Variants in TMEM204 observed in about 807,000 individuals in gnomAD.
TMEM204 encodes transmembrane protein 204, also known as claudin-like protein 24.
In TMEM204, 15 loss-of-function variants were observed where a neutral mutation model predicts 19.4. The observed-to-expected ratio is 0.77, with a 90% CI of 0.52 to 1.19. The LOEUF is 1.19. Ranked by LOEUF, TMEM204 falls within the 50% of genes most tolerant of loss-of-function variation. The pLI is 0.00. For synonymous variants in TMEM204, 161 were observed against 146.0 expected, an observed-to-expected ratio of 1.10 and a Z score of -0.74; for missense variants, 287 against 321.2, an observed-to-expected ratio of 0.89 and a Z score of 0.81.
chr16:1,539,774 G>A (rs544780897), intron 1 of TMEM204, among the ~76,000 whole-genome samples: 14 of 152,304 alleles, frequency 9.2e-5, no homozygotes, highest in South Asian at 4.1e-4. Flanking sequence ...GCCTGTCTGC[G>A]GGCAGGCAGC....
At chr16:1,552,233 C>T (rs1443752094) in intron 2 of TMEM204, among the ~76,000 whole-genome samples, 1 of 152,196 alleles carries the variant, frequency 6.6e-6, no homozygotes, top group Non-Finnish European at 1.5e-5. Context: ...AGGCCAGTTA[C>T]TGCCGGTATA....
At chr16:1,554,595 C>T (rs915460316) in intron 2 of TMEM204, among the ~76,000 whole-genome samples, 187 bp from the exon 3 acceptor site, 10 of 152,094 alleles carry the variant, frequency 6.6e-5, no homozygotes, top group African/African-American at 1.7e-4. Flanking sequence ...GCAGCCGCCC[C>T]GTAAAGCAGG....
At chr16:1,533,444 G>A (rs191045731), upstream of TMEM204, 1 of 152,466 alleles carries the variant, frequency 6.6e-6, no homozygotes, top group East Asian at 1.9e-4. The surrounding 1 kb of genome is among the most constrained non-coding windows in gnomAD (Gnocchi z 4.7). Flanking sequence ...AGCAACAGGC[G>A]AGACGAGGGA....
rs1481623482 is a variant in TMEM204 at position 1,544,518 on chromosome 16, C to T, written c.436+2442C>T. On this transcript the variant is annotated intron_variant, in intron 2 of 2. Coordinates refer to ENST00000566264, the MANE Select transcript of TMEM204 (RefSeq NM_024600.6). Reference sequence around the variant, plus strand: ...CTAATTTTTGTGTTTTTAGTAGAGACGGGGTTTCACCATGTTGGTCCAGCT... The same window carrying T: ...CTAATTTTTGTGTTTTTAGTAGAGATGGGGTTTCACCATGTTGGTCCAGCT... 3.3e-5 allele frequency among the ~76,000 whole-genome samples: 5 copies of T among 151,870 alleles called. 1 individual carries two copies. Among genetic ancestry groups the T allele is most frequent in the South Asian group, 4.2e-4 (2 of 4,810 alleles).
rs2141381614 is a variant in TMEM204 at position 1,551,211 on chromosome 16, C to A, written c.437-3571C>A. The stretch of plus-strand genomic sequence containing the variant: ...GTCAATGGTGGGGCAAGTTCTGGCC[C>A]CGGGGAGCCTGCCCTGTGGCGGGGG... On this transcript the variant is annotated intron_variant, in intron 2 of 2. Coordinates refer to ENST00000566264, the MANE Select transcript of TMEM204 (RefSeq NM_024600.6). This position sits in a 1 kb window ranked among gnomAD's most constrained non-coding sequence, Gnocchi z 4.0. Among the ~76,000 whole-genome samples the A allele has an allele frequency of 6.6e-6, 1 of 152,344 alleles. No individual in the cohort carries two copies. The highest frequency in any genetic ancestry group is 1.5e-5 in the Non-Finnish European group (1 of 68,036).
chr16:1,538,213 G>A (rs1045995334), intron 1 of TMEM204, among the ~76,000 whole-genome samples: 1 of 152,218 alleles, frequency 6.6e-6, no homozygotes, highest in Non-Finnish European at 1.5e-5. Context: ...GGTGAGCCAT[G>A]CACCCTGGGG....
At chr16:1,547,014 C>G (rs1402296778) in intron 2 of TMEM204, among the ~76,000 whole-genome samples, 1 of 152,220 alleles carries the variant, frequency 6.6e-6, no homozygotes, top group African/African-American at 2.4e-5. Flanking sequence ...GGACCTGTGG[C>G]ATCTTTGCTA....
At chr16:1,548,613 A>G (rs371551419) in intron 2 of TMEM204, among the ~76,000 whole-genome samples, 8 of 152,184 alleles carry the variant, frequency 5.3e-5, no homozygotes, top group African/African-American at 1.9e-4. Context: ...GAAACAGGAC[A>G]ATGAGGAGAG....
intron 2 of TMEM204, among the ~76,000 whole-genome samples, chr16:1,548,437 C>T (rs1288690308): frequency 6.6e-6 from 1 of 152,230 alleles, no homozygotes; most frequent in African/African-American, 2.4e-5. Flanking sequence ...GTAATTCACA[C>T]TGTCCGGGCG....
chr16:1,536,716 C>G (rs2294626), intron 1 of TMEM204, among the ~76,000 whole-genome samples: 42,800 of 152,062 alleles, frequency 0.28, 7,191 homozygotes, highest in African/African-American at 0.46. Context: ...CAGAGTCTCC[C>G]TTGGCCGTGC....
intron 2 of TMEM204, among the ~76,000 whole-genome samples, chr16:1,543,654 G>C (rs1231877723): frequency 1.3e-5 from 2 of 152,212 alleles, no homozygotes; most frequent in Admixed American, 1.3e-4. Flanking sequence ...CTGTAAGAAC[G>C]AATGAGACAG....
chr16:1,541,543 C>G (rs1397952768), intron 1 of TMEM204: 4 of 980,544 alleles, frequency 4.1e-6, no homozygotes, highest in Non-Finnish European at 4.8e-6. Flanking sequence ...ACAGGGAAGC[C>G]GGTGTTGCTG....
At position 1,553,001 on chromosome 16, in the gene TMEM204, A is replaced by T; in HGVS notation, c.437-1781A>T. 1 of 985,394 alleles carries T rather than the reference A, an allele frequency of 1.0e-6. No homozygotes were observed. Among genetic ancestry groups the T allele is most frequent in the Non-Finnish European group, 1.2e-6 (1 of 829,902 alleles). 61.0% of individuals were successfully genotyped at this position (985,394 alleles called of 1,614,324 possible). A position where few individuals can be genotyped will look rare whatever the true frequency, so the allele number is the denominator to read the frequency against. On this transcript the variant is annotated intron_variant, in intron 2 of 2. Coordinates refer to ENST00000566264, the MANE Select transcript of TMEM204 (RefSeq NM_024600.6). This position sits in a 1 kb window ranked among gnomAD's most constrained non-coding sequence, Gnocchi z 4.4. ...AGAAGTATCCAGGAGCTACCCATGT[A>T]TAAGAAGCTCCATGAAGTATTATAA...
At chr16:1,544,464 C>T (rs1158626311) in intron 2 of TMEM204, among the ~76,000 whole-genome samples, 1 of 150,900 alleles carries the variant, frequency 6.6e-6, no homozygotes, top group Non-Finnish European at 1.5e-5. Context: ...GGATTATAGG[C>T]GTGAGCCACC....
chr16:1,544,108 C>T (rs1724631564), intron 2 of TMEM204, among the ~76,000 whole-genome samples: 1 of 151,380 alleles, frequency 6.6e-6, no homozygotes, highest in South Asian at 2.1e-4. Flanking sequence ...ACCTCTGCCT[C>T]CTGGGTTCAA....
At chr16:1,554,288 C>T (rs2141418560) in intron 2 of TMEM204, among the ~76,000 whole-genome samples, 1 of 152,338 alleles carries the variant, frequency 6.6e-6, no homozygotes, top group East Asian at 1.9e-4. Flanking sequence ...ACCAAACTGA[C>T]CTGTTTCCAG....
intron 1 of TMEM204, chr16:1,541,006 T>C: frequency 4.1e-6 from 4 of 985,360 alleles, no homozygotes; most frequent in Non-Finnish European, 4.8e-6. Flanking sequence ...TGTAAGGTTT[T>C]ATTTGCGGGA....
At chr16:1,533,039 T>G (rs1435471665), upstream of TMEM204, 1 of 152,478 alleles carries the variant, frequency 6.6e-6, no homozygotes, top group Non-Finnish European at 1.5e-5. This position sits in a 1 kb window ranked among gnomAD's most constrained non-coding sequence, Gnocchi z 4.7. Context: ...AAGAATGACC[T>G]GGCCTCGAGG....
Position 1,551,140 on chromosome 16 carries a change from C to T in TMEM204, c.437-3642C>T, listed in dbSNP as rs181144676. Reference sequence around the variant, plus strand: ...TCACGTCTACTTTGGTCTCCTCAAACGATTAACTCAAAAAGTAATTGCGGA... The same window carrying T: ...TCACGTCTACTTTGGTCTCCTCAAATGATTAACTCAAAAAGTAATTGCGGA... On this transcript the variant is annotated intron_variant, in intron 2 of 2. Transcript: ENST00000566264. The surrounding 1 kb of genome is among the most constrained non-coding windows in gnomAD (Gnocchi z 4.0). Among the ~76,000 whole-genome samples, 8 of 152,338 alleles carry T rather than the reference C, an allele frequency of 5.3e-5. No homozygotes were observed. Among genetic ancestry groups the T allele is most frequent in the Admixed American group, 1.3e-4 (2 of 15,306 alleles).
Sources: allele counts gnomAD v4.1 joint callset (sites outside exome capture counted in the v4.1 genomes callset), GRCh38; gene constraint gnomAD v4.1.1; non-coding constraint Gnocchi (gnomAD v3.1); transcripts MANE v1.5; gene names NCBI Gene and HGNC (gene_info 2026-07-23, HGNC 2026-07-21).